Variants in CPQ observed in about 807,000 individuals in gnomAD.
The protein encoded by CPQ is carboxypeptidase Q, also known as Ser-Met dipeptidase.
A neutral mutation model predicts 45.7 loss-of-function variants in CPQ; 37 were observed. The observed-to-expected ratio is 0.81, with a 90% CI of 0.62 to 1.07. The LOEUF is 1.07. Ranked by LOEUF, CPQ falls within the 50% of genes least tolerant of loss-of-function variation. The pLI is 0.00. For synonymous variants in CPQ, 186 were observed against 205.8 expected (o/e 0.90, Z 0.82); for missense variants, 537 against 572.9 (o/e 0.94, Z 0.64).
At chr8:97,133,199 CATATATTT>C (rs1811988289) in intron 7 of CPQ, 1 of 152,100 alleles carries the variant, frequency 6.6e-6, no homozygotes, top group Non-Finnish European at 1.5e-5. Flanking sequence ...TCCATATATA[CATATATTT>C]ATATTTATGC....
chr8:96,744,046 T>C (rs1015758515), intron 1 of CPQ, among the ~76,000 whole-genome samples: 6 of 152,232 alleles, frequency 3.9e-5, no homozygotes, highest in African/African-American at 1.4e-4. Context: ...CAAGCAAGCC[T>C]GGGCAATGGC....
chr8:97,126,418 G>A (rs1811848594), intron 7 of CPQ, among the ~76,000 whole-genome samples: 1 of 152,148 alleles, frequency 6.6e-6, no homozygotes, highest in Non-Finnish European at 1.5e-5. Context: ...ATGCAAGCAT[G>A]AGAACCCTCT....
At chr8:96,744,232 C>A (rs1020146899) in intron 1 of CPQ, among the ~76,000 whole-genome samples, 9 of 152,210 alleles carry the variant, frequency 5.9e-5, no homozygotes, top group African/African-American at 2.2e-4. Context: ...GGGAGTGACC[C>A]GATTTTCCAG....
intron 7 of CPQ, among the ~76,000 whole-genome samples, chr8:97,101,951 C>CCTCTCT (rs150834817): frequency 2.2e-5 from 2 of 90,740 alleles, no homozygotes; most frequent in African/African-American, 4.5e-5. Flanking sequence ...TCCCTCCCTC[C>CCTCTCT]CTCTCTCTCT....
At chr8:97,006,230 C>T (rs1474044404) in intron 5 of CPQ, among the ~76,000 whole-genome samples, 1 of 152,086 alleles carries the variant, frequency 6.6e-6, no homozygotes, top group African/African-American at 2.4e-5. Context: ...AAGACTGTTA[C>T]ACTGCCTAAG....
chr8:96,996,870 G>C (rs1261327933), intron 5 of CPQ, among the ~76,000 whole-genome samples: 1 of 151,896 alleles, frequency 6.6e-6, no homozygotes, highest in African/African-American at 2.4e-5. Context: ...TTATTGACTA[G>C]AGCAAAGCAG....
intron 4 of CPQ, among the ~76,000 whole-genome samples, chr8:96,953,875 T>C (rs1458176896): frequency 6.6e-6 from 1 of 152,154 alleles, no homozygotes; most frequent in African/African-American, 2.4e-5. Context: ...CTGAATTATC[T>C]TGTCAGTTTT....
chr8:96,711,517 G>T (rs1365064045), intron 1 of CPQ, among the ~76,000 whole-genome samples: 1 of 152,106 alleles, frequency 6.6e-6, no homozygotes, highest in Non-Finnish European at 1.5e-5. Context: ...CAGCATGGCT[G>T]GGGAGGCCTC....
intron 1 of CPQ, among the ~76,000 whole-genome samples, chr8:96,663,726 T>G (rs1293089534): frequency 1.3e-5 from 2 of 152,156 alleles, no homozygotes; most frequent in Non-Finnish European, 2.9e-5. Context: ...CATCTTAAAC[T>G]TCTATTGAAC....
chr8:97,003,368 A>C (rs544885293), intron 5 of CPQ, among the ~76,000 whole-genome samples: 1 of 152,216 alleles, frequency 6.6e-6, no homozygotes, highest in East Asian at 1.9e-4. Flanking sequence ...TGTGTATTTC[A>C]GTGTGTTTTT....
intron 5 of CPQ, among the ~76,000 whole-genome samples, chr8:97,006,280 A>G (rs73695753): frequency 1.0e-3 from 155 of 152,282 alleles, no homozygotes; most frequent in African/African-American, 3.6e-3. Flanking sequence ...AAAGAATCTG[A>G]AAGTTGAGTT....
At chr8:96,789,883 C>T (rs566669920) in intron 2 of CPQ, among the ~76,000 whole-genome samples, 7 of 151,994 alleles carry the variant, frequency 4.6e-5, no homozygotes, top group Non-Finnish European at 8.8e-5. Flanking sequence ...CAAGTCTGAC[C>T]CATGTGTTGT....
At chr8:96,850,183 G>T (rs1811751860) in intron 3 of CPQ, among the ~76,000 whole-genome samples, 1 of 152,144 alleles carries the variant, frequency 6.6e-6, no homozygotes, top group Non-Finnish European at 1.5e-5. Context: ...GCTTTTAGCA[G>T]AGTGAACTGT....
intron 5 of CPQ, among the ~76,000 whole-genome samples, chr8:96,992,894 T>C (rs1420811159): frequency 2.0e-5 from 3 of 152,126 alleles, no homozygotes; most frequent in Non-Finnish European, 4.4e-5. Flanking sequence ...TTAACACAAA[T>C]TGGAGGGAGT....
intron 5 of CPQ, among the ~76,000 whole-genome samples, chr8:97,010,998 C>T (rs192903366): frequency 7.9e-5 from 12 of 152,216 alleles, no homozygotes; most frequent in African/African-American, 2.9e-4. Context: ...TAAGTGGCTG[C>T]TAGGCTTTTA....
chr8:96,736,563 T>C (rs931625424), intron 1 of CPQ, among the ~76,000 whole-genome samples: 5 of 152,188 alleles, frequency 3.3e-5, no homozygotes, highest in Non-Finnish European at 7.3e-5. Context: ...TCACAGCTGG[T>C]AAATGTGTAT....
chr8:96,935,659 G>A (rs917112197), intron 4 of CPQ, among the ~76,000 whole-genome samples: 1 of 152,192 alleles, frequency 6.6e-6, no homozygotes, highest in Admixed American at 6.6e-5. Context: ...ACGTGTTTTA[G>A]TTGAGTATAA....
intron 5 of CPQ, among the ~76,000 whole-genome samples, chr8:97,001,162 A>G (rs1809273883): frequency 6.6e-6 from 1 of 152,132 alleles, no homozygotes; most frequent in African/African-American, 2.4e-5. Flanking sequence ...AGTTTTCTAG[A>G]TATAGGATCA....
chr8:96,858,163 C>T (rs947580995), intron 3 of CPQ, among the ~76,000 whole-genome samples: 2 of 152,098 alleles, frequency 1.3e-5, no homozygotes, highest in African/African-American at 2.4e-5. Context: ...GGAGAATGTA[C>T]TAAGGGAAAT....
Sources: allele counts gnomAD v4.1 joint callset (sites outside exome capture counted in the v4.1 genomes callset), GRCh38; gene constraint gnomAD v4.1.1; transcripts MANE v1.5; gene names NCBI Gene and HGNC (gene_info 2026-07-23, HGNC 2026-07-21).